Variants in FLI1 observed in about 807,000 individuals in gnomAD.
The protein encoded by FLI1 is Friend leukemia integration 1 transcription factor.
Under a neutral mutation model 53.1 loss-of-function variants are expected in FLI1, and 13 were observed. The observed-to-expected ratio is 0.24, with a 90% confidence interval of 0.16 to 0.39. The LOEUF (loss-of-function observed/expected upper bound fraction) is 0.39. FLI1 is among the 10% of genes least tolerant of loss of function. The probability of loss-of-function intolerance (pLI) is 1.00; values close to 1 mark genes in which losing one functional copy is unlikely to be tolerated. For missense variants in FLI1, 424 were observed against 600.5 expected (o/e 0.71, Z 3.07); for synonymous variants, 244 against 236.7 (o/e 1.03, Z -0.28).
intron 4 of FLI1, among the ~76,000 whole-genome samples, chr11:128,776,230 G>T (rs1376301570): frequency 2.0e-5 from 3 of 152,090 alleles, no homozygotes; most frequent in Non-Finnish European, 2.9e-5. Flanking sequence ...TTCACACCTG[G>T]GCGTGTCAGC....
intron 1 of FLI1, among the ~76,000 whole-genome samples, chr11:128,701,399 A>G (rs144159721): frequency 2.8e-3 from 428 of 152,342 alleles, no homozygotes; most frequent in Non-Finnish European, 3.9e-3. Flanking sequence ...ACATTCTTCC[A>G]TGAGTTGGCT....
At chr11:128,757,094 T>TTCTC (rs1940917164) in intron 1 of FLI1, among the ~76,000 whole-genome samples, 3 of 135,104 alleles carry the variant, frequency 2.2e-5, no homozygotes, top group African/African-American at 8.6e-5. Flanking sequence ...CTTTCTTTCT[T>TTCTC]TCTTTCTTTC....
At chr11:128,789,617 G>C (rs143963176) in intron 5 of FLI1, among the ~76,000 whole-genome samples, 1 of 152,182 alleles carries the variant, frequency 6.6e-6, no homozygotes, top group African/African-American at 2.4e-5. Flanking sequence ...TGTCCCTCGC[G>C]ATATGCACTG....
chr11:128,800,815 C>A (rs566119435), intron 5 of FLI1, among the ~76,000 whole-genome samples: 1 of 152,206 alleles, frequency 6.6e-6, no homozygotes, highest in Non-Finnish European at 1.5e-5. Context: ...ACTGAGGCTC[C>A]GGCCTCTTTG....
chr11:128,768,263 G>A lies in FLI1; in HGVS notation c.376G>A (p.Val126Ile), dbSNP rs374178191. ...GACCACCAACGAGAGGAGAGTCATC[G>A]TCCCCGCAGGTAATTCGAGAACCAG... Reference protein sequence around the residue: ...NMTTNERRVIVPADPTLWTQE... With the variant: ...NMTTNERRVIIPADPTLWTQE... The change falls in exon 3 of 9, where the codon GTC becomes ATC. Residue 126 changes from valine to isoleucine, a missense_variant. Val to Ile is a conservative substitution (Grantham distance 29). This residue lies in a region of FLI1 where 15 missense variants were observed against 39.4 expected (regional missense o/e 0.38). Transcript: ENST00000527786. 2.9e-5 allele frequency: 47 copies of A among 1,613,736 alleles called. No individual in the cohort carries two copies. Among genetic ancestry groups the A allele is most frequent in the Non-Finnish European group, 3.8e-5 (45 of 1,179,882 alleles).
intron 1 of FLI1, among the ~76,000 whole-genome samples, chr11:128,748,975 T>C (rs12287281): frequency 0.018 from 2,683 of 152,362 alleles, 70 homozygotes; most frequent in African/African-American, 0.061. Flanking sequence ...TTTAAAAATG[T>C]GGTCCTTGTT....
At chr11:128,802,175 T>C (rs1055805541) in intron 5 of FLI1, among the ~76,000 whole-genome samples, 6 of 152,242 alleles carry the variant, frequency 3.9e-5, no homozygotes, top group African/African-American at 9.6e-5. Context: ...TTCATACCCC[T>C]AGGGCAGAAT....
chr11:128,807,260 A>G (rs367648632), intron 7 of FLI1, 21 bp downstream of exon 7: 3 of 1,578,090 alleles, frequency 1.9e-6, no homozygotes, highest in Non-Finnish European at 2.6e-6. Context: ...AGGATATGTA[A>G]TCTCTCCTTT....
intron 2 of FLI1, among the ~76,000 whole-genome samples, chr11:128,764,143 C>T (rs1941238925): frequency 6.6e-6 from 1 of 152,164 alleles, no homozygotes; most frequent in African/African-American, 2.4e-5. Context: ...TCTGAGTTGA[C>T]TAGGAAGGTA....
At chr11:128,799,319 C>G (rs953731990) in intron 5 of FLI1, among the ~76,000 whole-genome samples, 12 of 152,096 alleles carry the variant, frequency 7.9e-5, no homozygotes, top group Non-Finnish European at 1.8e-4. Context: ...TCAAGGCCTT[C>G]CTCAATGGGC....
intron 2 of FLI1, among the ~76,000 whole-genome samples, chr11:128,765,239 G>T (rs958093721): frequency 2.0e-5 from 3 of 152,142 alleles, no homozygotes; most frequent in Non-Finnish European, 2.9e-5. Context: ...GTGTTAGGCA[G>T]GTTTGGGGAA....
intron 1 of FLI1, among the ~76,000 whole-genome samples, chr11:128,717,265 G>A (rs553476936): frequency 6.6e-6 from 1 of 152,300 alleles, no homozygotes; most frequent in African/African-American, 2.4e-5. Flanking sequence ...TGGGGCTAAG[G>A]AGGCCTCACT....
chr11:128,717,791 G>A (rs1350384973), intron 1 of FLI1, among the ~76,000 whole-genome samples: 1 of 152,188 alleles, frequency 6.6e-6, no homozygotes, highest in Non-Finnish European at 1.5e-5. Context: ...AGTTGAAAAG[G>A]GGTGGCTCTA....
At chr11:128,734,987 CGGAA>C in intron 1 of FLI1, among the ~76,000 whole-genome samples, 1 of 152,328 alleles carries the variant, frequency 6.6e-6, no homozygotes, top group African/African-American at 2.4e-5. Flanking sequence ...AAGGGCCCCA[CGGAA>C]GGGAGTCCAG....
intron 4 of FLI1, among the ~76,000 whole-genome samples, chr11:128,778,611 T>A (rs1452217725): frequency 1.3e-5 from 2 of 152,304 alleles, no homozygotes; most frequent in South Asian, 2.1e-4. Context: ...GCTGGCTCTG[T>A]ATGGCTTATG....
intron 1 of FLI1, among the ~76,000 whole-genome samples, chr11:128,728,685 A>G (rs1444247201): frequency 1.3e-5 from 2 of 152,234 alleles, no homozygotes; most frequent in African/African-American, 4.8e-5. Context: ...CAAACGTTCC[A>G]GTGCGTTCTG....
chr11:128,758,125 C>A lies in FLI1; in HGVS notation c.29C>A (p.Ser10Ter). 1 of 1,611,890 alleles carries A rather than the reference C, an allele frequency of 6.2e-7. No homozygotes were observed. The highest frequency in any genetic ancestry group is 8.5e-7 in the Non-Finnish European group (1 of 1,179,016). The change falls in exon 2 of 9, where the codon TCG (serine) becomes TAG (stop). Residue 10 changes from serine (S) to a stop codon, truncating the protein, a stop_gained. Coordinates refer to ENST00000527786, the MANE Select transcript of FLI1 (RefSeq NM_002017.5). LOFTEE classifies it high-confidence loss of function. MDGTIKEAL[S>*]VVSDDQSLFD... ...TCTCTGGCCCTGCAGGAGGCTCTGTCGGTGGTGAGCGACGACCAGTCCCTC... is the reference window on the plus strand; with the variant it reads ...TCTCTGGCCCTGCAGGAGGCTCTGTAGGTGGTGAGCGACGACCAGTCCCTC...
chr11:128,755,522 G>C (rs907361550), intron 1 of FLI1, among the ~76,000 whole-genome samples: 4 of 152,212 alleles, frequency 2.6e-5, no homozygotes, highest in Admixed American at 1.3e-4. Flanking sequence ...AGGGACAGCT[G>C]TCTGAAAGGT....
intron 5 of FLI1, among the ~76,000 whole-genome samples, chr11:128,803,229 C>T (rs1449082703): frequency 6.7e-6 from 1 of 149,232 alleles, no homozygotes; most frequent in African/African-American, 2.5e-5. Context: ...CTCAGATCCA[C>T]CCCACATACC....
Sources: allele counts gnomAD v4.1 joint callset (sites outside exome capture counted in the v4.1 genomes callset), GRCh38; gene constraint gnomAD v4.1.1; regional missense constraint gnomAD v4.1.1; transcripts MANE v1.5; gene names NCBI Gene and HGNC (gene_info 2026-07-23, HGNC 2026-07-21).